MCTP1: variants seen among roughly 807,000 people sequenced by gnomAD.
The protein encoded by MCTP1 is multiple C2 and transmembrane domain-containing protein 1.
In MCTP1, 69 loss-of-function variants were observed where a neutral mutation model predicts 120.6. The ratio of observed to expected loss-of-function variants is 0.57; its 90% confidence interval spans 0.47 to 0.70. The LOEUF is 0.70. Ranked by LOEUF, MCTP1 falls within the 30% of genes least tolerant of loss-of-function variation. The pLI is 0.00. For missense variants in MCTP1, 1,203 were observed against 1,248.8 expected, an observed-to-expected ratio of 0.96 and a Z score of 0.55; for synonymous variants, 529 against 493.1, an observed-to-expected ratio of 1.07 and a Z score of -0.96.
intron 1 of MCTP1, among the ~76,000 whole-genome samples, chr5:95,167,126 T>C (rs181491267): frequency 1.3e-5 from 2 of 152,280 alleles, no homozygotes; most frequent in South Asian, 4.1e-4. Context: ...AGTGTTCTGA[T>C]TGTTCAATTC....
At chr5:95,078,384 C>T (rs947465733) in intron 1 of MCTP1, among the ~76,000 whole-genome samples, 1 of 152,128 alleles carries the variant, frequency 6.6e-6, no homozygotes, top group Non-Finnish European at 1.5e-5. Flanking sequence ...ACCTGCACAT[C>T]AAAAACAACA....
chr5:95,016,401 T>C lies in MCTP1; in HGVS notation c.838+966A>G, dbSNP rs1290482804. 2.0e-5 allele frequency among the ~76,000 whole-genome samples: 3 copies of C among 152,268 alleles called. No individual in the cohort carries two copies. In the South Asian group the frequency reaches 6.2e-4, roughly 32 times the overall value. ...CTAGTCAAACAATACTCTAGTATTA[T>C]ATTAAATTATTTTTCTCTATTTTAT... On this transcript the variant is annotated intron_variant, in intron 2 of 22. Coordinates refer to ENST00000515393, the MANE Select transcript of MCTP1 (RefSeq NM_024717.7).
rs114102026 is a variant in MCTP1, at chr5:95,264,059, T to C, written c.720+19797A>G. 2.6e-3 allele frequency among the ~76,000 whole-genome samples: 396 copies of C among 152,324 alleles called. 1 individual carries two copies. Among genetic ancestry groups the C allele is most frequent in the Non-Finnish European group, 4.1e-3 (278 of 68,022 alleles). On this transcript the variant is annotated intron_variant, in intron 1 of 22. Transcript: ENST00000515393. ...TGAGGCAGCAATGGGTAAACACTAC[T>C]AAAGCATATTTGTATAATGAAGCTG...
chr5:94,934,072 C>T (rs1581434016), intron 5 of MCTP1, among the ~76,000 whole-genome samples: 1 of 151,778 alleles, frequency 6.6e-6, no homozygotes, highest in South Asian at 2.1e-4. Flanking sequence ...AACATTTCTG[C>T]CTCTTGAGCC....
rs1047984135 is a variant in MCTP1 at position 95,046,942 on chromosome 5, G to A, written c.721-29458C>T. 2.0e-5 allele frequency among the ~76,000 whole-genome samples: 3 copies of A among 152,162 alleles called. No individual in the cohort carries two copies. In the South Asian group the frequency reaches 6.2e-4, roughly 31 times the overall value. On this transcript the variant is annotated intron_variant, in intron 1 of 22. Coordinates refer to ENST00000515393, the MANE Select transcript of MCTP1 (RefSeq NM_024717.7). ...TCATGTTAAATATTTGGCATCTAAT[G>A]TAGTATTTCAAACAGCATTCCTATT... is the stretch of plus-strand genomic sequence containing the variant.
chr5:94,723,053 T>C (rs1761269733), intron 19 of MCTP1, among the ~76,000 whole-genome samples: 1 of 152,220 alleles, frequency 6.6e-6, no homozygotes, highest in Non-Finnish European at 1.5e-5. Flanking sequence ...CCAATCTTTC[T>C]TCTTTTTCAG....
At chr5:94,865,304 T>A (rs1391456539) in intron 17 of MCTP1, among the ~76,000 whole-genome samples, 1 of 151,940 alleles carries the variant, frequency 6.6e-6, no homozygotes, top group Non-Finnish European at 1.5e-5. Context: ...TATTTCATTA[T>A]TCTACATTTA....
At position 94,917,593 on chromosome 5, in the gene MCTP1, A is replaced by G. The variant is rs562138012; in HGVS notation, c.1350+303T>C. Among the ~76,000 whole-genome samples, 22 of 152,324 alleles carry G rather than the reference A, an allele frequency of 1.4e-4. No individual in the cohort carries two copies. In the East Asian group the frequency reaches 4.0e-3, roughly 28 times the overall value. ...TTTTAGATCCACTTTCATAAGGAGTATTCATCCAAGTTCATAATTAATAAA... is the reference window on the plus strand; with the variant it reads ...TTTTAGATCCACTTTCATAAGGAGTGTTCATCCAAGTTCATAATTAATAAA... On this transcript the variant is annotated intron_variant, in intron 8 of 22. Transcript: ENST00000515393.
At chr5:94,817,763 C>G (rs1402590132) in intron 17 of MCTP1, among the ~76,000 whole-genome samples, 1 of 152,278 alleles carries the variant, frequency 6.6e-6, no homozygotes, top group Non-Finnish European at 1.5e-5. Flanking sequence ...CTCATCTGAA[C>G]CATTATTGGT....
At chr5:95,166,782 T>C (rs549146337) in intron 1 of MCTP1, among the ~76,000 whole-genome samples, 20 of 152,150 alleles carry the variant, frequency 1.3e-4, no homozygotes, top group African/African-American at 4.6e-4. Flanking sequence ...TTAGCCAGGA[T>C]GGTCTTGATC....
At chr5:95,256,892 C>T (rs1261166130) in intron 1 of MCTP1, among the ~76,000 whole-genome samples, 1 of 152,192 alleles carries the variant, frequency 6.6e-6, no homozygotes, top group African/African-American at 2.4e-5. Flanking sequence ...TTTAATGACA[C>T]TGTCTTGTTC....
At chr5:94,822,147 G>T (rs541132994) in intron 17 of MCTP1, among the ~76,000 whole-genome samples, 1 of 152,072 alleles carries the variant, frequency 6.6e-6, no homozygotes, top group Admixed American at 6.6e-5. Context: ...TTCCATAGCG[G>T]TTTGCTCCAC....
chr5:95,155,552 T>C (rs1372458677), intron 1 of MCTP1, among the ~76,000 whole-genome samples: 1 of 152,156 alleles, frequency 6.6e-6, no homozygotes, highest in Non-Finnish European at 1.5e-5. Context: ...CTTAAAAATG[T>C]TCCATTTTGA....
At chr5:95,052,955 G>T (rs1746400649) in intron 1 of MCTP1, among the ~76,000 whole-genome samples, 1 of 152,100 alleles carries the variant, frequency 6.6e-6, no homozygotes, top group African/African-American at 2.4e-5. Flanking sequence ...TATCTCAACA[G>T]GGAAAAGCAC....
chr5:95,045,392 C>A (rs531576578), intron 1 of MCTP1, among the ~76,000 whole-genome samples: 1 of 152,166 alleles, frequency 6.6e-6, no homozygotes, highest in Non-Finnish European at 1.5e-5. Flanking sequence ...TGTGGTACAA[C>A]CTGGTAACTT....
intron 1 of MCTP1, among the ~76,000 whole-genome samples, chr5:95,109,856 GCATAAATTCC>G (rs1266482993): frequency 6.6e-6 from 1 of 152,088 alleles, no homozygotes; most frequent in East Asian, 1.9e-4. Context: ...AAGTGCTTTT[GCATAAATTCC>G]CATTTCCTTT....
chr5:95,201,597 C>G (rs1472108016), intron 1 of MCTP1, among the ~76,000 whole-genome samples: 3 of 144,158 alleles, frequency 2.1e-5, no homozygotes, highest in Non-Finnish European at 4.5e-5. Context: ...CTCTGCCTCC[C>G]AGGTTCAGGC....
intron 19 of MCTP1, among the ~76,000 whole-genome samples, chr5:94,751,972 G>A (rs556352718): frequency 3.4e-5 from 5 of 147,118 alleles, no homozygotes; most frequent in Admixed American, 1.4e-4. Flanking sequence ...GTGCAGGGAG[G>A]GGGGAGGGTT....
At chr5:95,222,159 T>C (rs1218142286) in intron 1 of MCTP1, among the ~76,000 whole-genome samples, 1 of 152,214 alleles carries the variant, frequency 6.6e-6, no homozygotes, top group Non-Finnish European at 1.5e-5. Context: ...ATCTACCTGG[T>C]TGCTTTGCCA....
Sources: gnomAD v4.1 joint callset for allele counts (sites outside exome capture counted in the v4.1 genomes callset) on GRCh38, gnomAD v4.1.1 for gene constraint, MANE v1.5 for transcripts, NCBI Gene and HGNC (gene_info 2026-07-23, HGNC 2026-07-21) for gene names.